LARS1: variants seen among roughly 807,000 people sequenced by gnomAD.
LARS1 encodes leucyl-tRNA synthetase 1.
LARS1 carries 100 observed loss-of-function variants against 162.8 expected under a neutral mutation model. The observed-to-expected ratio is 0.61, with a 90% confidence interval of 0.52 to 0.73. The LOEUF (loss-of-function observed/expected upper bound fraction) is 0.73. Among genes scored for constraint, LARS1 ranks in the 30% least tolerant of loss-of-function variants. The pLI is 0.00. For missense variants in LARS1, 1,258 were observed against 1,408.9 expected, an observed-to-expected ratio of 0.89 and a Z score of 1.71; for synonymous variants, 457 against 462.8, an observed-to-expected ratio of 0.99 and a Z score of 0.16.
intron 2 of LARS1, among the ~76,000 whole-genome samples, chr5:146,175,570 T>A (rs1380861105): frequency 6.9e-6 from 1 of 145,188 alleles, no homozygotes; most frequent in Non-Finnish European, 1.5e-5. Context: ...CCGGGCGCAG[T>A]GGCTCACGCC....
chr5:146,158,755 C>T (rs1753638719), intron 8 of LARS1, among the ~76,000 whole-genome samples: 1 of 152,152 alleles, frequency 6.6e-6, no homozygotes, highest in African/African-American at 2.4e-5. Flanking sequence ...CCAGATGGTG[C>T]TTCACAACAT....
chr5:146,133,116 A>G (rs777258222), intron 22 of LARS1, 35 bp from the exon 23 acceptor site: 2 of 1,592,618 alleles, frequency 1.3e-6, no homozygotes, highest in Admixed American at 1.7e-5. Context: ...TGCATTAAAA[A>G]TATGGTTACT....
intron 31 of LARS1, among the ~76,000 whole-genome samples, chr5:146,114,622 G>A (rs926470137): frequency 1.3e-5 from 2 of 152,064 alleles, no homozygotes; most frequent in Non-Finnish European, 2.9e-5. Context: ...TGTGATCCCA[G>A]CTACTTGGGA....
intron 2 of LARS1, 128 bp from the exon 3 acceptor site, chr5:146,172,902 G>A (rs1413232638): frequency 9.5e-6 from 4 of 422,916 alleles, no homozygotes; most frequent in African/African-American, 2.1e-5. Context: ...ATATTTAAAA[G>A]TAAATTTATA....
Position 146,131,061 on chromosome 5 carries a change from C to A in LARS1, c.2445G>T (p.Met815Ile), listed in dbSNP as rs150185886. The A allele has an allele frequency of 6.5e-5, 104 of 1,598,300 alleles. No individual in the cohort carries two copies. Among genetic ancestry groups the A allele is most frequent in the Non-Finnish European group, 8.5e-5 (100 of 1,170,346 alleles). The change falls in exon 24 of 32, where the codon ATG (methionine) becomes ATT (isoleucine). Residue 815 changes from methionine to isoleucine, a missense_variant. By Grantham distance (10) the Met-to-Ile change is conservative. Coordinates refer to ENST00000394434, the MANE Select transcript of LARS1 (RefSeq NM_020117.11). ...IIKTDQNYEK[M>I]MFKEALKTGF... is the part of the protein sequence containing the mutation. ...CTGTTTTCAAAGCTTCTTTAAACAT[C>A]ATCTTTTCATAGTTTTGATCTGTTT... is the stretch of plus-strand genomic sequence containing the variant.
intron 21 of LARS1, among the ~76,000 whole-genome samples, chr5:146,139,436 C>T (rs905382498): frequency 1.3e-5 from 2 of 151,776 alleles, no homozygotes; most frequent in East Asian, 3.9e-4. Context: ...GTCCCTGTCT[C>T]TGTCTCTCTT....
chr5:146,126,389 T>G, intron 28 of LARS1, 46 bp downstream of exon 28: 1 of 1,181,554 alleles, frequency 8.5e-7, no homozygotes, highest in Non-Finnish European at 1.3e-6. Flanking sequence ...TTGTCCCATC[T>G]AACCATTGCT....
At chr5:146,175,367 G>A (rs899091394) in intron 2 of LARS1, among the ~76,000 whole-genome samples, 8 of 149,422 alleles carry the variant, frequency 5.4e-5, no homozygotes, top group East Asian at 2.0e-4. Flanking sequence ...GCAAAACCCC[G>A]TCTCTATTAA....
chr5:146,137,165 T>C (rs906400373), intron 21 of LARS1, among the ~76,000 whole-genome samples: 2 of 152,250 alleles, frequency 1.3e-5, no homozygotes, highest in Non-Finnish European at 2.9e-5. Context: ...CCCAAAGTGC[T>C]GGGATTATAG....
At chr5:146,181,856 T>TTTC (rs1754870165) in intron 1 of LARS1, among the ~76,000 whole-genome samples, 1 of 101,354 alleles carries the variant, frequency 9.9e-6, no homozygotes, top group Non-Finnish European at 1.9e-5. Flanking sequence ...TTCTTTTTTT[T>TTTC]TTTTTTTTTT....
chr5:146,182,405 C>T, intron 1 of LARS1, 83 bp downstream of exon 1: 1 of 1,567,770 alleles, frequency 6.4e-7, no homozygotes, highest in Non-Finnish European at 8.8e-7. Context: ...AGGACTTTCC[C>T]TTCAGGACAG....
intron 2 of LARS1, among the ~76,000 whole-genome samples, chr5:146,176,603 A>G (rs926230511): frequency 1.3e-5 from 2 of 152,216 alleles, no homozygotes; most frequent in Non-Finnish European, 2.9e-5. Flanking sequence ...TCAATCTGAA[A>G]AAGCACATTT....
intron 2 of LARS1, among the ~76,000 whole-genome samples, chr5:146,175,575 C>T (rs1362539840): frequency 1.3e-5 from 2 of 148,740 alleles, no homozygotes; most frequent in African/African-American, 4.9e-5. Context: ...CGCAGTGGCT[C>T]ACGCCTGTAA....
intron 20 of LARS1, 101 bp from the exon 21 acceptor site, chr5:146,140,362 T>A (rs1752719377): frequency 2.3e-6 from 2 of 888,738 alleles, no homozygotes; most frequent in East Asian, 2.6e-5. Context: ...AAAGGCTTGC[T>A]AAGATAAAAG....
At chr5:146,178,775 C>T (rs958249689) in intron 1 of LARS1, among the ~76,000 whole-genome samples, 5 of 152,098 alleles carry the variant, frequency 3.3e-5, no homozygotes, top group Non-Finnish European at 7.4e-5. Flanking sequence ...ACGCCACTGC[C>T]CCCTCTCACT....
intron 18 of LARS1, 47 bp downstream of exon 18, chr5:146,144,220 T>C (rs1395784101): frequency 4.4e-6 from 6 of 1,377,614 alleles, no homozygotes; most frequent in Middle Eastern, 1.8e-4. Context: ...ATATTTTCTG[T>C]GTAACTGGCA....
rs1764060367 is a variant in LARS1 at position 146,113,382 on chromosome 5, A to G, written c.*724T>C. 1 of 152,142 alleles carries G rather than the reference A, an allele frequency of 6.6e-6. No individual in the cohort carries two copies. Among genetic ancestry groups the G allele is most frequent in the African/African-American group, 2.4e-5 (1 of 41,326 alleles). The allele number at this position is 152,142 out of a possible 1,614,324, so 9.4% of individuals were successfully genotyped here. A position where few individuals can be genotyped will look rare whatever the true frequency, so the allele number is the denominator to read the frequency against. ...CCCGACCAGCATGACCTTTAAACAC[A>G]ATTGGACTTAAGACAAATTTAGTAA... On this transcript the variant is annotated 3_prime_UTR_variant, in exon 32 of 32. Transcript: ENST00000394434.
chr5:146,173,275 C>T (rs73317831), intron 2 of LARS1, among the ~76,000 whole-genome samples: 3,984 of 151,896 alleles, frequency 0.026, 155 homozygotes, highest in African/African-American at 0.086. Flanking sequence ...GATCATTGAA[C>T]CTGAGAGGCA....
rs950947603 is a variant in LARS1, at chr5:146,113,816, T to C, written c.*290A>G. On this transcript the variant is annotated 3_prime_UTR_variant, in exon 32 of 32. Coordinates refer to ENST00000394434, the MANE Select transcript of LARS1 (RefSeq NM_020117.11). ...CATAAAAGAAGCATACTGACACTTTTATGTTCATCTTAAAAACCAGAAACT... is the reference window on the plus strand; with the variant it reads ...CATAAAAGAAGCATACTGACACTTTCATGTTCATCTTAAAAACCAGAAACT... The C allele has an allele frequency of 1.1e-5, 4 of 365,614 alleles. No homozygotes were observed. The highest frequency in any genetic ancestry group is 6.1e-5 in the African/African-American group (3 of 48,880). The allele number at this position is 365,614 out of a possible 1,614,324, so 22.6% of individuals were successfully genotyped here. A position where few individuals can be genotyped will look rare whatever the true frequency, so the allele number is the denominator to read the frequency against.
Sources: allele counts gnomAD v4.1 joint callset (sites outside exome capture counted in the v4.1 genomes callset), GRCh38; gene constraint gnomAD v4.1.1; transcripts MANE v1.5; gene names NCBI Gene and HGNC (gene_info 2026-07-23, HGNC 2026-07-21).